Variants in USP12 observed in about 807,000 individuals in gnomAD.
USP12 encodes ubiquitin specific peptidase 12.
USP12 carries 19 observed loss-of-function variants against 45.5 expected under a neutral mutation model. The ratio of observed to expected loss-of-function variants is 0.42; its 90% CI spans 0.29 to 0.61. USP12 has a LOEUF of 0.61. USP12 is among the 20% of genes least tolerant of loss of function. The probability of loss-of-function intolerance (pLI) is 0.22; values close to 1 mark genes in which losing one functional copy is unlikely to be tolerated. For synonymous variants in USP12, 149 were observed against 148.8 expected (o/e 1.00, Z -0.01); for missense variants, 242 against 447.7 (o/e 0.54, Z 4.15).
chr13:27,115,240 T>C (rs1200741610), intron 2 of USP12, among the ~76,000 whole-genome samples: 1 of 152,176 alleles, frequency 6.6e-6, no homozygotes, highest in Non-Finnish European at 1.5e-5. Flanking sequence ...GAATTCTAAC[T>C]GAAATGCTGT....
intron 5 of USP12, 52 bp from the exon 6 acceptor site, chr13:27,090,018 T>C (rs911958742): frequency 8.8e-6 from 14 of 1,583,918 alleles, no homozygotes; most frequent in East Asian, 2.3e-5. Flanking sequence ...AAATCATGTA[T>C]CTTAAAAAAT....
intron 1 of USP12, among the ~76,000 whole-genome samples, chr13:27,156,429 G>C (rs1281004879): frequency 6.6e-6 from 1 of 152,192 alleles, no homozygotes; most frequent in Non-Finnish European, 1.5e-5. Context: ...AAGAGATATA[G>C]TGACGAAACG....
rs770316652 is a variant in USP12, at chr13:27,105,828, T to G, written c.246A>C (p.Thr82=). ...TGCTATGGAAGAGATCTGCTAAGCA[T>G]GTAAGAAGGCTCTCCTTTTTCCTAG... ...SQPRKKESLL[T]CLADLFHSIA... Residue 82 remains threonine (T), a synonymous_variant, in exon 3 of 9, where the codon ACA becomes ACC. Coordinates refer to ENST00000282344, the MANE Select transcript of USP12 (RefSeq NM_182488.4). 3 of 1,613,888 alleles carry G rather than the reference T, an allele frequency of 1.9e-6. No individual in the cohort carries two copies. Among genetic ancestry groups the G allele is most frequent in the Non-Finnish European group, 2.5e-6 (3 of 1,179,816 alleles).
chr13:27,154,661 G>A (rs948731001), intron 1 of USP12, among the ~76,000 whole-genome samples: 1 of 152,114 alleles, frequency 6.6e-6, no homozygotes, highest in Admixed American at 6.5e-5. Context: ...AAACGTGGAC[G>A]CATTGTGGTA....
chr13:27,077,166 TAAG>T (rs1873528162), intron 6 of USP12: 1 of 152,132 alleles, frequency 6.6e-6, no homozygotes, highest in Non-Finnish European at 1.5e-5. Flanking sequence ...AGAAAATACT[TAAG>T]AAGTCAGGAT....
At chr13:27,128,139 A>G (rs1269102598) in intron 1 of USP12, among the ~76,000 whole-genome samples, 1 of 152,238 alleles carries the variant, frequency 6.6e-6, no homozygotes, top group Non-Finnish European at 1.5e-5. Context: ...AACTCAGTCA[A>G]GATATGGAAA....
chr13:27,171,494 CTA>C, intron 1 of USP12, 96 bp downstream of exon 1: 1 of 288,622 alleles, frequency 3.5e-6, no homozygotes, highest in Non-Finnish European at 5.2e-6. Context: ...CGCCCCGGCG[CTA>C]GGCCCCGCGA....
At chr13:27,095,254 G>C (rs1874521922) in intron 4 of USP12, among the ~76,000 whole-genome samples, 1 of 152,070 alleles carries the variant, frequency 6.6e-6, no homozygotes, top group South Asian at 2.1e-4. Flanking sequence ...GGTAATCGTA[G>C]AAAAAGGAAA....
At chr13:27,099,979 A>G (rs1161697096) in intron 3 of USP12, among the ~76,000 whole-genome samples, 1 of 152,200 alleles carries the variant, frequency 6.6e-6, no homozygotes, top group Non-Finnish European at 1.5e-5. Context: ...GAGATAGTAG[A>G]TCTAAAGCAC....
chr13:27,120,322 C>T (rs1431571428), intron 1 of USP12, among the ~76,000 whole-genome samples: 1 of 152,144 alleles, frequency 6.6e-6, no homozygotes, highest in African/African-American at 2.4e-5. Context: ...ATCAGTGATT[C>T]TTTACTGGGA....
intron 1 of USP12, among the ~76,000 whole-genome samples, chr13:27,141,982 C>T (rs190163549): frequency 1.5e-3 from 228 of 151,552 alleles, no homozygotes; most frequent in African/African-American, 5.3e-3. Flanking sequence ...GGGCGTGGTA[C>T]ATGATGGCGT....
At chr13:27,108,325 T>C (rs536737869) in intron 2 of USP12, among the ~76,000 whole-genome samples, 34 of 151,924 alleles carry the variant, frequency 2.2e-4, no homozygotes, top group South Asian at 2.1e-3. Context: ...TAGATGGGAA[T>C]TGAACAATGA....
chr13:27,165,741 T>C (rs1878320559), intron 1 of USP12, among the ~76,000 whole-genome samples: 2 of 152,160 alleles, frequency 1.3e-5, no homozygotes, highest in Non-Finnish European at 2.9e-5. Context: ...TATTAGGCTG[T>C]TGGTGACGAA....
chr13:27,106,467 T>G (rs1003714661), intron 2 of USP12, among the ~76,000 whole-genome samples: 1 of 152,276 alleles, frequency 6.6e-6, no homozygotes, highest in East Asian at 1.9e-4. Flanking sequence ...TTCATAAATA[T>G]GTATTGCCTT....
chr13:27,144,905 GAA>G (rs1273602789), intron 1 of USP12, among the ~76,000 whole-genome samples: 1 of 145,860 alleles, frequency 6.9e-6, no homozygotes, highest in African/African-American at 2.5e-5. Flanking sequence ...ACCAAAAAAA[GAA>G]AAAAAAAAAA....
At chr13:27,165,158 T>C (rs1878296481) in intron 1 of USP12, among the ~76,000 whole-genome samples, 1 of 152,080 alleles carries the variant, frequency 6.6e-6, no homozygotes, top group African/African-American at 2.4e-5. Flanking sequence ...TCAACTTATC[T>C]AAACTTGTAA....
At chr13:27,144,517 A>G (rs1033792816) in intron 1 of USP12, among the ~76,000 whole-genome samples, 1 of 151,556 alleles carries the variant, frequency 6.6e-6, no homozygotes, top group Non-Finnish European at 1.5e-5. Flanking sequence ...AAAAAAAAAA[A>G]AAAGGTGGTA....
intron 3 of USP12, among the ~76,000 whole-genome samples, chr13:27,103,764 A>G (rs182266167): frequency 0.053 from 7,086 of 133,236 alleles, 228 homozygotes; most frequent in Middle Eastern, 0.065. Context: ...AAAAAAAAAG[A>G]GAGAGAGACA....
At chr13:27,103,633 C>T (rs955097550) in intron 3 of USP12, among the ~76,000 whole-genome samples, 35 of 90,230 alleles carry the variant, frequency 3.9e-4, no homozygotes, top group African/African-American at 1.3e-3. Flanking sequence ...AATAATAAGG[C>T]CAGACACAGT....
Sources: gnomAD v4.1 joint callset for allele counts (sites outside exome capture counted in the v4.1 genomes callset) on GRCh38, gnomAD v4.1.1 for gene constraint, MANE v1.5 for transcripts, NCBI Gene and HGNC (gene_info 2026-07-23, HGNC 2026-07-21) for gene names.